LARP1B: variants seen among roughly 807,000 people sequenced by gnomAD.
LARP1B encodes the protein La ribonucleoprotein 1B.
In LARP1B, 76 loss-of-function variants were observed where a neutral mutation model predicts 114.2. That is an observed-to-expected ratio of 0.67 (90% CI 0.55 to 0.81). The LOEUF is 0.81. LARP1B is among the 30% of genes least tolerant of loss of function. The pLI is 0.00. For synonymous variants in LARP1B, 345 were observed against 348.0 expected, an observed-to-expected ratio of 0.99 and a Z score of 0.10; for missense variants, 1,014 against 1,075.8, an observed-to-expected ratio of 0.94 and a Z score of 0.80.
At chr4:128,152,328 C>T (rs1375632626) in intron 11 of LARP1B, among the ~76,000 whole-genome samples, 6 of 151,330 alleles carry the variant, frequency 4.0e-5, no homozygotes, top group East Asian at 3.9e-4. Flanking sequence ...CTTAGCCTCC[C>T]GAGTAGCTTG....
intron 4 of LARP1B, among the ~76,000 whole-genome samples, chr4:128,078,773 T>A (rs1480597161): frequency 1.3e-5 from 2 of 152,170 alleles, no homozygotes; most frequent in Non-Finnish European, 2.9e-5. Context: ...TGTAAATCAG[T>A]GCTCGGAGTC....
At chr4:128,202,518 T>G (rs1198301371) in intron 17 of LARP1B, among the ~76,000 whole-genome samples, 1 of 152,238 alleles carries the variant, frequency 6.6e-6, no homozygotes, top group African/African-American at 2.4e-5. Flanking sequence ...AAAATATTTT[T>G]CATGGTATTG....
chr4:128,172,937 ATGTGTGTGTG>A (rs57382183), intron 12 of LARP1B, among the ~76,000 whole-genome samples: 5 of 136,996 alleles, frequency 3.6e-5, no homozygotes, highest in Non-Finnish European at 7.9e-5. Context: ...ATCCCATCCA[ATGTGTGTGTG>A]TGTGTGTGTG....
At position 128,211,644 on chromosome 4, in the gene LARP1B, G is replaced by A. The variant is rs1578821454; in HGVS notation, c.*1591G>A. On this transcript the variant is annotated 3_prime_UTR_variant, in exon 20 of 20. Coordinates refer to ENST00000326639, the MANE Select transcript of LARP1B (RefSeq NM_018078.4). Reference sequence around the variant, plus strand: ...TCAAGTCTTTTCTTAAATGGGGTATGTAGTTCCAGCTTTTCAGTGAGAAAT... The same window carrying A: ...TCAAGTCTTTTCTTAAATGGGGTATATAGTTCCAGCTTTTCAGTGAGAAAT... 4 of 983,660 alleles carry A rather than the reference G, an allele frequency of 4.1e-6. No individual in the cohort carries two copies. Among genetic ancestry groups the A allele is most frequent in the Non-Finnish European group, 4.8e-6 (4 of 828,454 alleles). The allele number at this position is 983,660 out of a possible 1,614,324, so 60.9% of individuals were successfully genotyped here. A position where few individuals can be genotyped will look rare whatever the true frequency, so the allele number is the denominator to read the frequency against.
At chr4:128,114,942 AT>A (rs372891425) in intron 10 of LARP1B, among the ~76,000 whole-genome samples, 200 bp downstream of exon 10, 51 of 149,806 alleles carry the variant, frequency 3.4e-4, no homozygotes, top group East Asian at 3.9e-4. Flanking sequence ...AATGTTATTT[AT>A]TTTTTTTTTT....
chr4:128,133,862 A>G (rs1478360554), intron 11 of LARP1B, among the ~76,000 whole-genome samples: 2 of 151,956 alleles, frequency 1.3e-5, no homozygotes, highest in Admixed American at 1.3e-4. Context: ...ATGCCCGACC[A>G]TTGTTTGTAT....
At chr4:128,145,146 T>C (rs544962219) in intron 11 of LARP1B, among the ~76,000 whole-genome samples, 1 of 152,306 alleles carries the variant, frequency 6.6e-6, no homozygotes, top group Admixed American at 6.5e-5. Flanking sequence ...TTTTACTCTT[T>C]CGTTAGGTTA....
chr4:128,178,497 A>G lies in LARP1B; in HGVS notation c.1751A>G (p.His584Arg). ...VSEITSAAMVHSLPTAVPESP... is the reference protein window; with the variant it reads ...VSEITSAAMVRSLPTAVPESP... ...GAAATAACTTCAGCAGCAATGGTTC[A>G]TTCGTTGCCTACAGCAGTTCCAGAA... The change falls in exon 14 of 20, where the codon CAT (histidine) becomes CGT (arginine). Residue 584 changes from histidine to arginine, a missense_variant. His to Arg is a conservative substitution (Grantham distance 29). Coordinates refer to ENST00000326639, the MANE Select transcript of LARP1B (RefSeq NM_018078.4). The G allele has an allele frequency of 6.2e-7, 1 of 1,614,132 alleles. No homozygotes were observed. The highest frequency in any genetic ancestry group is 1.1e-5 in the South Asian group (1 of 91,086).
chr4:128,115,425 T>A (rs1785463181), intron 10 of LARP1B, among the ~76,000 whole-genome samples: 1 of 152,054 alleles, frequency 6.6e-6, no homozygotes. Context: ...TAGCTAATGC[T>A]AATTTTTTGG....
intron 11 of LARP1B, among the ~76,000 whole-genome samples, chr4:128,137,770 C>CAT (rs745646919): frequency 0.029 from 4,132 of 141,264 alleles, 141 homozygotes; most frequent in African/African-American, 0.089. Flanking sequence ...TGTGTGTATA[C>CAT]ATATATATAT....
intron 15 of LARP1B, among the ~76,000 whole-genome samples, chr4:128,183,438 A>G (rs1197968788): frequency 6.6e-6 from 1 of 152,252 alleles, no homozygotes; most frequent in East Asian, 1.9e-4. Context: ...ATGTGACAGC[A>G]CATCTACTTA....
chr4:128,061,894 G>T, intron 1 of LARP1B: 1 of 985,108 alleles, frequency 1.0e-6, no homozygotes, highest in Non-Finnish European at 1.2e-6. Flanking sequence ...AGCCGTCGCC[G>T]GCGCTGGTGC....
At chr4:128,144,633 T>G (rs1729531622) in intron 11 of LARP1B, among the ~76,000 whole-genome samples, 1 of 151,906 alleles carries the variant, frequency 6.6e-6, no homozygotes, top group African/African-American at 2.4e-5. Context: ...CCATGCCTGG[T>G]TCTTTCTGTT....
At chr4:128,209,720 CA>C (rs11293327) in intron 19 of LARP1B, 135 bp from the exon 20 acceptor site, 230,004 of 486,804 alleles carry the variant, frequency 0.47, 27,877 homozygotes, top group Admixed American at 0.55. Context: ...GAGACTCCAT[CA>C]AAAAAAAAAA....
chr4:128,128,390 T>C (rs1319227253), intron 11 of LARP1B, among the ~76,000 whole-genome samples: 1 of 152,206 alleles, frequency 6.6e-6, no homozygotes, highest in Non-Finnish European at 1.5e-5. Flanking sequence ...TCATCATAAA[T>C]TGAAAATACA....
chr4:128,187,342 A>G (rs1408117913), intron 15 of LARP1B, among the ~76,000 whole-genome samples: 2 of 152,176 alleles, frequency 1.3e-5, no homozygotes, highest in Non-Finnish European at 1.5e-5. Context: ...TTGTGAGCCC[A>G]CCCCTTGCAC....
chr4:128,186,399 T>C (rs1750375423), intron 15 of LARP1B, among the ~76,000 whole-genome samples: 1 of 152,224 alleles, frequency 6.6e-6, no homozygotes, highest in African/African-American at 2.4e-5. Context: ...GTTACACTTA[T>C]ACCTAGATAC....
intron 11 of LARP1B, among the ~76,000 whole-genome samples, chr4:128,143,301 G>C (rs920916973): frequency 2.0e-5 from 3 of 152,080 alleles, no homozygotes; most frequent in Admixed American, 6.6e-5. Flanking sequence ...CTGATTTCAA[G>C]TTTTGCCTCA....
chr4:128,144,320 A>G (rs567820998), intron 11 of LARP1B, among the ~76,000 whole-genome samples: 1 of 152,252 alleles, frequency 6.6e-6, no homozygotes, highest in Admixed American at 6.5e-5. Flanking sequence ...TTTTCTTTGA[A>G]TATATCCAAT....
Sources: gnomAD v4.1 joint callset for allele counts (sites outside exome capture counted in the v4.1 genomes callset) on GRCh38, gnomAD v4.1.1 for gene constraint, MANE v1.5 for transcripts, NCBI Gene and HGNC (gene_info 2026-07-23, HGNC 2026-07-21) for gene names.